Variants in MBP observed in about 807,000 individuals in gnomAD.
MBP encodes the protein Golli-MBP.
A neutral mutation model predicts 35.8 loss-of-function variants in MBP; 16 were observed. The observed-to-expected ratio is 0.45, with a 90% CI of 0.30 to 0.68. MBP has a LOEUF of 0.68. Ranked by LOEUF, MBP falls within the 30% of genes least tolerant of loss-of-function variation. The probability of loss-of-function intolerance (pLI) is 0.08; values close to 1 mark genes in which losing one functional copy is unlikely to be tolerated. For missense variants in MBP, 380 were observed against 404.7 expected (o/e 0.94, Z 0.52); for synonymous variants, 143 against 159.6 (o/e 0.90, Z 0.78).
At chr18:77,014,006 C>T (rs1971489851) in intron 4 of MBP, 4 of 985,428 alleles carry the variant, frequency 4.1e-6, no homozygotes, top group Non-Finnish European at 3.6e-6. Context: ...ACAATCTTGG[C>T]CCTAAGTGCT....
rs1193090337 is a variant in MBP at position 77,015,785 on chromosome 18, A to G, written c.576+1047T>C. The G allele has an allele frequency of 3.0e-6, 3 of 985,332 alleles. No homozygotes were observed. In the East Asian group the frequency reaches 3.4e-4, roughly 112 times the overall value. The allele number at this position is 985,332 out of a possible 1,614,324, so 61.0% of individuals were successfully genotyped here. A position where few individuals can be genotyped will look rare whatever the true frequency, so the allele number is the denominator to read the frequency against. ...AAATTCTAGAAACTCCTTAACTCCAAGTTGCCCTATGGTTTTTATGATTGC... is the reference window on the plus strand; with the variant it reads ...AAATTCTAGAAACTCCTTAACTCCAGGTTGCCCTATGGTTTTTATGATTGC... On this transcript the variant is annotated intron_variant, in intron 4 of 8. Coordinates refer to ENST00000355994, the MANE Select transcript of MBP (RefSeq NM_001025101.2).
At chr18:77,007,036 C>T (rs550059028) in intron 4 of MBP, among the ~76,000 whole-genome samples, 13 of 152,176 alleles carry the variant, frequency 8.5e-5, no homozygotes, top group Non-Finnish European at 1.9e-4. Context: ...TTCTTGGTTC[C>T]GACTCTGCTG....
At chr18:77,060,284 C>A (rs685975) in intron 3 of MBP, among the ~76,000 whole-genome samples, 89,218 of 151,838 alleles carry the variant, frequency 0.59, 29,081 homozygotes, top group Non-Finnish European at 0.72. Flanking sequence ...ATCCTAGTAC[C>A]AATGATGAAT....
intron 3 of MBP, among the ~76,000 whole-genome samples, chr18:77,046,106 C>G (rs181766754): frequency 1.3e-5 from 2 of 152,190 alleles, no homozygotes; most frequent in East Asian, 3.8e-4. Flanking sequence ...CTGGATCAAA[C>G]TTTGTCTATT....
At chr18:77,112,768 A>T (rs1976514535) in intron 1 of MBP, 1 of 152,386 alleles carries the variant, frequency 6.6e-6, no homozygotes, top group South Asian at 2.1e-4. Context: ...CCAGGATAGT[A>T]TGTGGTGGAT....
intron 4 of MBP, among the ~76,000 whole-genome samples, chr18:76,992,662 C>T (rs564886948): frequency 1.7e-4 from 26 of 152,298 alleles, no homozygotes; most frequent in Admixed American, 3.3e-4. Context: ...GAGCAAGCTT[C>T]GGGAAACAGA....
intron 2 of MBP, among the ~76,000 whole-genome samples, chr18:77,086,718 C>T (rs550134216): frequency 6.6e-6 from 1 of 152,286 alleles, no homozygotes; most frequent in East Asian, 1.9e-4. Flanking sequence ...TTATTACAAG[C>T]TCAAGAACAA....
intron 2 of MBP, among the ~76,000 whole-genome samples, chr18:77,081,763 TATATACACAC>T (rs1299318756): frequency 1.7e-5 from 2 of 116,628 alleles, no homozygotes; most frequent in East Asian, 2.9e-4. Context: ...TATATATATA[TATATACACAC>T]ACACACACAC....
At chr18:77,015,265 ATTT>A in intron 4 of MBP, 1 of 950,554 alleles carries the variant, frequency 1.1e-6, no homozygotes, top group South Asian at 4.9e-5. Context: ...GTTTAAGTAC[ATTT>A]TTTTTTTCTG....
chr18:77,112,145 C>T, intron 1 of MBP, among the ~76,000 whole-genome samples: 1 of 144,374 alleles, frequency 6.9e-6, no homozygotes, highest in East Asian at 2.2e-4. Context: ...CACCAAAAAC[C>T]CGTAGAATGA....
chr18:77,023,031 T>C (rs1972053748), intron 3 of MBP, among the ~76,000 whole-genome samples: 1 of 152,232 alleles, frequency 6.6e-6, no homozygotes, highest in African/African-American at 2.4e-5. Flanking sequence ...TCTGTGGTAT[T>C]AATCGATTTC....
At chr18:77,073,592 C>G (rs556447615) in intron 2 of MBP, among the ~76,000 whole-genome samples, 1 of 152,352 alleles carries the variant, frequency 6.6e-6, no homozygotes, top group African/African-American at 2.4e-5. Context: ...GTGCCCTGCT[C>G]CGCAGGGAGA....
intron 2 of MBP, among the ~76,000 whole-genome samples, chr18:77,090,079 T>C (rs1975439876): frequency 6.6e-6 from 1 of 152,176 alleles, no homozygotes; most frequent in East Asian, 1.9e-4. Context: ...AGTGTGGCCT[T>C]GCTCTCCCTG....
At chr18:77,074,097 G>T (rs1188380478) in intron 2 of MBP, among the ~76,000 whole-genome samples, 2 of 152,334 alleles carry the variant, frequency 1.3e-5, no homozygotes, top group Non-Finnish European at 2.9e-5. Flanking sequence ...AGAAAGGGTT[G>T]CTTCTGATCT....
intron 7 of MBP, chr18:76,986,963 C>A: frequency 1.0e-6 from 1 of 985,350 alleles, no homozygotes; most frequent in African/African-American, 1.7e-5. Context: ...GAACTCCAGA[C>A]AAGGAGAGAG....
chr18:77,105,339 C>T lies in MBP; in HGVS notation c.-25-53G>A, dbSNP rs11874174. 4,232 of 1,175,004 alleles carry T rather than the reference C, an allele frequency of 3.6e-3. 120 individuals are homozygous for T. The African/African-American group carries it at 0.057, about 16-fold the overall frequency. 72.8% of individuals were successfully genotyped at this position (1,175,004 alleles called of 1,614,324 possible). A position where few individuals can be genotyped will look rare whatever the true frequency, so the allele number is the denominator to read the frequency against. Reference sequence around the variant, plus strand: ...CTAAGTCTAGTGCTCTTAGAGTTTTCGATGTTGTTTTTCCATCAGAAAGAC... The same window carrying T: ...CTAAGTCTAGTGCTCTTAGAGTTTTTGATGTTGTTTTTCCATCAGAAAGAC... On this transcript the variant is annotated intron_variant, in intron 1 of 8. Transcript: ENST00000355994.
chr18:77,032,001 T>A (rs1243416127), intron 3 of MBP, among the ~76,000 whole-genome samples: 2 of 152,054 alleles, frequency 1.3e-5, no homozygotes, highest in Non-Finnish European at 2.9e-5. Flanking sequence ...AACAAGTGTG[T>A]TTTCTGGGGG....
intron 3 of MBP, among the ~76,000 whole-genome samples, chr18:77,053,976 C>T (rs1973620884): frequency 6.6e-6 from 1 of 152,352 alleles, no homozygotes. Flanking sequence ...CATCCTTCTT[C>T]CTCTTGGCCC....
At chr18:77,016,712 C>A in intron 4 of MBP, 120 bp downstream of exon 4, 1 of 1,477,950 alleles carries the variant, frequency 6.8e-7, no homozygotes, top group Non-Finnish European at 9.0e-7. Context: ...CAGCACGGAA[C>A]GAGACCTTAG....
Sources: allele counts gnomAD v4.1 joint callset (sites outside exome capture counted in the v4.1 genomes callset), GRCh38; gene constraint gnomAD v4.1.1; transcripts MANE v1.5; gene names NCBI Gene and HGNC (gene_info 2026-07-23, HGNC 2026-07-21).